The following SDK1 variants were observed in gnomAD, a reference collection of about 807,000 sequenced individuals.
SDK1 encodes sidekick cell adhesion molecule 1, also known as protein sidekick-1.
A neutral mutation model predicts 245.5 loss-of-function variants in SDK1; 157 were observed. That is an observed-to-expected ratio of 0.64 (90% CI 0.56 to 0.73). The LOEUF (loss-of-function observed/expected upper bound fraction) is 0.73. Ranked by LOEUF, SDK1 falls within the 30% of genes least tolerant of loss-of-function variation. The pLI, the probability that SDK1 is intolerant of heterozygous loss-of-function variation, is 0.00. For missense variants in SDK1, 3,583 were observed against 3,002.3 expected (o/e 1.19, Z -4.52); for synonymous variants, 1,647 against 1,278.5 (o/e 1.29, Z -6.15).
intron 17 of SDK1, among the ~76,000 whole-genome samples, chr7:4,040,488 A>C (rs1219722385): frequency 6.6e-6 from 1 of 152,182 alleles, no homozygotes; most frequent in East Asian, 1.9e-4. Flanking sequence ...GGACCCGGAC[A>C]CACAAGGAGT....
At chr7:3,513,312 C>G (rs530031025) in intron 1 of SDK1, among the ~76,000 whole-genome samples, 1 of 151,958 alleles carries the variant, frequency 6.6e-6, no homozygotes, top group Non-Finnish European at 1.5e-5. Context: ...ATGACAGAGT[C>G]GAATAAAGAG....
chr7:4,141,532 T>C (rs75876271), intron 28 of SDK1, among the ~76,000 whole-genome samples: 2,114 of 152,326 alleles, frequency 0.014, 65 homozygotes, highest in African/African-American at 0.048. Flanking sequence ...ACATAGTCAC[T>C]GAAAGGCAAT....
At chr7:4,264,224 C>T (rs1285448082) in intron 44 of SDK1, among the ~76,000 whole-genome samples, 3 of 82,922 alleles carry the variant, frequency 3.6e-5, no homozygotes, top group East Asian at 3.9e-4. Context: ...GCCGCGTAGA[C>T]CTCTCCTGAG....
chr7:3,491,016 T>C (rs1781849042), intron 1 of SDK1, among the ~76,000 whole-genome samples: 1 of 152,236 alleles, frequency 6.6e-6, no homozygotes, highest in Non-Finnish European at 1.5e-5. Flanking sequence ...GCCTGTGCCA[T>C]GTGCCCTGTG....
At chr7:3,715,382 C>T (rs201177613) in intron 4 of SDK1, among the ~76,000 whole-genome samples, 3 of 152,302 alleles carry the variant, frequency 2.0e-5, no homozygotes, top group Admixed American at 6.5e-5. Flanking sequence ...TACGTAGGTT[C>T]TTCCCTCCTC....
chr7:3,916,724 G>T (rs934538745), intron 5 of SDK1, among the ~76,000 whole-genome samples: 6 of 152,182 alleles, frequency 3.9e-5, no homozygotes, highest in Non-Finnish European at 7.3e-5. Flanking sequence ...TTATGTATTA[G>T]AGAAATTTAG....
rs1398225998 is a variant in SDK1 at position 4,233,370 on chromosome 7, G to T, written c.5943G>T (p.Val1981=). The T allele has an allele frequency of 9.3e-6, 15 of 1,613,672 alleles. No individual in the cohort carries two copies. The highest frequency in any genetic ancestry group is 1.2e-5 in the Non-Finnish European group (14 of 1,180,054). The change falls in exon 41 of 45, where the codon GTG becomes GTT. Residue 1981 remains valine (V), a synonymous_variant. Coordinates refer to ENST00000404826, the MANE Select transcript of SDK1 (RefSeq NM_152744.4). ...GVTYEFRVVA[V]NEAGYGEPSN... The stretch of plus-strand genomic sequence containing the variant: ...CTTACGAGTTCCGGGTGGTGGCTGT[G>T]AATGAGGCGGGCTACGGGGAGCCCA...
At chr7:4,202,586 G>A (rs529521324) in intron 35 of SDK1, among the ~76,000 whole-genome samples, 1 of 152,166 alleles carries the variant, frequency 6.6e-6, no homozygotes, top group African/African-American at 2.4e-5. Flanking sequence ...GCTGTCCCCA[G>A]ATCAAATGGA....
At chr7:3,441,330 T>C (rs1161443514) in intron 1 of SDK1, among the ~76,000 whole-genome samples, 1 of 152,138 alleles carries the variant, frequency 6.6e-6, no homozygotes, top group Non-Finnish European at 1.5e-5. Context: ...AATGTATCTC[T>C]TGCAGATAAG....
At position 4,012,126 on chromosome 7, in the gene SDK1, C is replaced by T. The variant is rs1226004293; in HGVS notation, c.2311C>T (p.Pro771Ser). The change falls in exon 16 of 45, where the codon CCC (proline) becomes TCC (serine). Residue 771 changes from proline (P) to serine (S), a missense_variant. Transcript: ENST00000404826. ...LMLPEEPPSA[P>S]PKNIVASGRT... ...GCTACCTGAAGAACCACCCAGTGCT[C>T]CCCCGAAAAATATAGTGGCCAGTGG... 10 of 1,573,990 alleles carry T rather than the reference C, an allele frequency of 6.4e-6. No homozygotes were observed. Among genetic ancestry groups the T allele is most frequent in the Non-Finnish European group, 7.8e-6 (9 of 1,160,708 alleles).
At position 4,000,563 on chromosome 7, in the gene SDK1, G is replaced by T. The variant is rs372944313; in HGVS notation, c.2132-10403G>T. Among the ~76,000 whole-genome samples, 39 of 152,214 alleles carry T rather than the reference G, an allele frequency of 2.6e-4. No individual in the cohort carries two copies. In the East Asian group the frequency reaches 6.0e-3, roughly 24 times the overall value. On this transcript the variant is annotated intron_variant, in intron 14 of 44. Coordinates refer to ENST00000404826, the MANE Select transcript of SDK1 (RefSeq NM_152744.4). Reference sequence around the variant, plus strand: ...GCCTTTTCATGTAGGGAACCCGTCAGCCGTCTCCACGCCGCTCTCCATGAA... The same window carrying T: ...GCCTTTTCATGTAGGGAACCCGTCATCCGTCTCCACGCCGCTCTCCATGAA...
chr7:4,016,082 G>A (rs1314955095), intron 16 of SDK1, among the ~76,000 whole-genome samples: 1 of 152,204 alleles, frequency 6.6e-6, no homozygotes, highest in Non-Finnish European at 1.5e-5. Flanking sequence ...TCCGGTCCAC[G>A]CGTGTCTGTC....
intron 4 of SDK1, among the ~76,000 whole-genome samples, chr7:3,790,665 GC>G (rs1352807915): frequency 1.3e-5 from 2 of 152,166 alleles, no homozygotes; most frequent in Non-Finnish European, 2.9e-5. Context: ...AATTATCTGG[GC>G]ATGGTGACGC....
At chr7:3,946,663 T>G (rs1307831140) in intron 5 of SDK1, among the ~76,000 whole-genome samples, 1 of 152,166 alleles carries the variant, frequency 6.6e-6, no homozygotes. Flanking sequence ...ACTTACTTTT[T>G]TTAAGTTATT....
In SDK1 at chr7:3,599,372, T is replaced by C. The variant is rs897273476; in HGVS notation, c.299-19708T>C. Reference sequence around the variant, plus strand: ...ATTCTTTGTATATTCTAGATGCTAGTTCTTTTTCAGATAATGTGGTTTGCC... The same window carrying C: ...ATTCTTTGTATATTCTAGATGCTAGCTCTTTTTCAGATAATGTGGTTTGCC... On this transcript the variant is annotated intron_variant, in intron 1 of 44. Transcript: ENST00000404826. Among the ~76,000 whole-genome samples the C allele has an allele frequency of 2.0e-5, 3 of 152,198 alleles. No homozygotes were observed. The South Asian group carries it at 6.2e-4, about 32-fold the overall frequency.
rs142676216 is a variant in SDK1, at chr7:3,428,301, G to C, written c.298+126417G>C. On this transcript the variant is annotated intron_variant, in intron 1 of 44. Transcript: ENST00000404826. ...TAATTTATCATAGTAACTGACATTTGAGTCTTATTATTGGCAGAATGATGT... is the reference window on the plus strand; with the variant it reads ...TAATTTATCATAGTAACTGACATTTCAGTCTTATTATTGGCAGAATGATGT... 1.5e-4 allele frequency among the ~76,000 whole-genome samples: 23 copies of C among 152,232 alleles called. No individual in the cohort carries two copies. In the East Asian group the frequency reaches 4.4e-3, roughly 29 times the overall value.
At chr7:4,199,583 T>A (rs897384561) in intron 35 of SDK1, among the ~76,000 whole-genome samples, 1 of 152,198 alleles carries the variant, frequency 6.6e-6, no homozygotes, top group African/African-American at 2.4e-5. Context: ...CTCCTTTTCC[T>A]ATGGAAACAA....
chr7:3,464,638 A>T (rs2128596049), intron 1 of SDK1, among the ~76,000 whole-genome samples: 1 of 152,176 alleles, frequency 6.6e-6, no homozygotes, highest in South Asian at 2.1e-4. Flanking sequence ...AAACAAGGAT[A>T]ATAAATGAAG....
intron 4 of SDK1, among the ~76,000 whole-genome samples, chr7:3,800,920 C>T (rs1465098514): frequency 1.3e-5 from 2 of 152,202 alleles, no homozygotes; most frequent in South Asian, 2.1e-4. Flanking sequence ...TGTTACAGTT[C>T]TTGGTTCTAG....
Sources: gnomAD v4.1 joint callset for allele counts (sites outside exome capture counted in the v4.1 genomes callset) on GRCh38, gnomAD v4.1.1 for gene constraint, MANE v1.5 for transcripts, NCBI Gene and HGNC (gene_info 2026-07-23, HGNC 2026-07-21) for gene names.